Variants in AGBL4 observed in about 807,000 individuals in gnomAD.
The protein encoded by AGBL4 is cytosolic carboxypeptidase 6.
A neutral mutation model predicts 66.4 loss-of-function variants in AGBL4; 58 were observed. That is an observed-to-expected ratio of 0.87 (90% CI 0.71 to 1.09). The LOEUF (loss-of-function observed/expected upper bound fraction) is 1.09. AGBL4 is among the 50% of genes least tolerant of loss of function. The pLI, the probability that AGBL4 is intolerant of heterozygous loss-of-function variation, is 0.00. For missense variants in AGBL4, 579 were observed against 631.0 expected (o/e 0.92, Z 0.88); for synonymous variants, 234 against 222.9 (o/e 1.05, Z -0.44).
At chr1:48,761,221 G>A in intron 6 of AGBL4, 1 of 1,149,132 alleles carries the variant, frequency 8.7e-7, no homozygotes, top group South Asian at 1.7e-5. Context: ...AAAAATCATA[G>A]CCTGTGATAC....
At chr1:48,905,784 C>G (rs1266711982) in intron 5 of AGBL4, among the ~76,000 whole-genome samples, 2 of 152,082 alleles carry the variant, frequency 1.3e-5, no homozygotes, top group African/African-American at 4.8e-5. Context: ...AAGTATTATC[C>G]CCAAATCAGA....
intron 5 of AGBL4, among the ~76,000 whole-genome samples, chr1:48,895,965 C>T (rs2148862566): frequency 6.6e-6 from 1 of 152,280 alleles, no homozygotes; most frequent in Non-Finnish European, 1.5e-5. Flanking sequence ...GATATTGGAA[C>T]AAAGCTGTGT....
intron 4 of AGBL4, among the ~76,000 whole-genome samples, chr1:49,176,056 C>T (rs1231276414): frequency 2.0e-5 from 3 of 152,028 alleles, no homozygotes; most frequent in East Asian, 1.9e-4. Context: ...AAGGAGAAAA[C>T]GATAGACTTG....
chr1:49,081,844 C>T (rs1644814286), intron 4 of AGBL4, among the ~76,000 whole-genome samples: 1 of 152,042 alleles, frequency 6.6e-6, no homozygotes, highest in South Asian at 2.1e-4. Context: ...GTCAGAGGAG[C>T]TAGAGATAGG....
At chr1:48,940,149 G>A (rs1367961713) in intron 5 of AGBL4, among the ~76,000 whole-genome samples, 3 of 152,204 alleles carry the variant, frequency 2.0e-5, no homozygotes, top group African/African-American at 7.2e-5. Flanking sequence ...GAAGGCCCGG[G>A]TGGGCAGATC....
At position 48,549,746 on chromosome 1, in the gene AGBL4, G is replaced by C. The variant is rs145318756; in HGVS notation, c.1268-10008C>G. Among the ~76,000 whole-genome samples, 469 of 151,966 alleles carry C rather than the reference G, an allele frequency of 3.1e-3. 2 individuals carry two copies. Among genetic ancestry groups the C allele is most frequent in the African/African-American group, 0.011 (458 of 41,424 alleles). Reference sequence around the variant, plus strand: ...AGAGAGAGAAAAACAGGGAGCAAATGACAGAAAAGGAAAGAATCAAACTGA... The same window carrying C: ...AGAGAGAGAAAAACAGGGAGCAAATCACAGAAAAGGAAAGAATCAAACTGA... On this transcript the variant is annotated intron_variant, in intron 11 of 13. Coordinates refer to ENST00000371839, the MANE Select transcript of AGBL4 (RefSeq NM_032785.4).
chr1:49,451,579 A>C (rs1454878876), intron 3 of AGBL4, among the ~76,000 whole-genome samples: 1 of 151,972 alleles, frequency 6.6e-6, no homozygotes, highest in Non-Finnish European at 1.5e-5. Flanking sequence ...CACCTCAGGC[A>C]CATCTGCCTT....
chr1:49,765,340 G>C (rs1350724292), intron 2 of AGBL4, among the ~76,000 whole-genome samples: 1 of 151,826 alleles, frequency 6.6e-6, no homozygotes, highest in Admixed American at 6.6e-5. Flanking sequence ...AAGTTCACAG[G>C]GCTATACAAG....
At chr1:48,858,636 G>A (rs1487653405) in intron 6 of AGBL4, among the ~76,000 whole-genome samples, 1 of 152,150 alleles carries the variant, frequency 6.6e-6, no homozygotes, top group Non-Finnish European at 1.5e-5. Flanking sequence ...CAAATCCATA[G>A]AGACAGAAAG....
intron 11 of AGBL4, among the ~76,000 whole-genome samples, chr1:48,561,064 T>C (rs1644390265): frequency 6.6e-6 from 1 of 152,254 alleles, no homozygotes; most frequent in Non-Finnish European, 1.5e-5. Flanking sequence ...TCCATATCTT[T>C]GCCCATGCAG....
intron 6 of AGBL4, among the ~76,000 whole-genome samples, chr1:48,713,292 G>A (rs1288364462): frequency 6.6e-6 from 1 of 152,184 alleles, no homozygotes; most frequent in African/African-American, 2.4e-5. Flanking sequence ...AAGTAACCCA[G>A]GAGCTGGCCT....
At chr1:49,321,015 AGTCACTCCCACAAG>A (rs1645123997) in intron 3 of AGBL4, among the ~76,000 whole-genome samples, 1 of 152,196 alleles carries the variant, frequency 6.6e-6, no homozygotes. Flanking sequence ...CTCATGTTCC[AGTCACTCCCACAAG>A]GTCACTCCCT....
intron 3 of AGBL4, among the ~76,000 whole-genome samples, chr1:49,387,504 A>G (rs1397649986): frequency 6.6e-6 from 1 of 151,900 alleles, no homozygotes; most frequent in Non-Finnish European, 1.5e-5. Context: ...CTTTCATCCT[A>G]TCTTTTCACC....
intron 2 of AGBL4, among the ~76,000 whole-genome samples, chr1:49,784,667 C>T (rs1242688539): frequency 6.6e-6 from 1 of 151,938 alleles, no homozygotes; most frequent in Non-Finnish European, 1.5e-5. Flanking sequence ...CATCCAAATT[C>T]TGTGCAACAA....
chr1:48,631,505 C>T (rs1645592960), intron 9 of AGBL4, among the ~76,000 whole-genome samples: 1 of 152,158 alleles, frequency 6.6e-6, no homozygotes, highest in Non-Finnish European at 1.5e-5. Flanking sequence ...ATTCTCCTGC[C>T]TCAGCCTCCT....
At chr1:49,880,859 G>A (rs1037306242) in intron 1 of AGBL4, among the ~76,000 whole-genome samples, 10 of 151,994 alleles carry the variant, frequency 6.6e-5, no homozygotes, top group Non-Finnish European at 1.0e-4. Context: ...ATATAGTCTC[G>A]TGGTGCGCCG....
chr1:49,201,672 C>A lies in AGBL4; in HGVS notation c.377+44098G>T, dbSNP rs140934962. 1.6e-4 allele frequency among the ~76,000 whole-genome samples: 24 copies of A among 152,200 alleles called. 1 individual carries two copies. In the East Asian group the frequency reaches 1.9e-3, roughly 12 times the overall value. On this transcript the variant is annotated intron_variant, in intron 4 of 13. Transcript: ENST00000371839. ...TAAAAAACAAAAATTAAATGTCATT[C>A]AAGAAGTCATTACAGCTTTGTTACC...
intron 4 of AGBL4, among the ~76,000 whole-genome samples, chr1:49,173,764 T>C (rs1311103048): frequency 6.6e-6 from 1 of 152,138 alleles, no homozygotes; most frequent in Non-Finnish European, 1.5e-5. Context: ...AGTGGGTAAG[T>C]GAACCATGTG....
intron 5 of AGBL4, among the ~76,000 whole-genome samples, chr1:48,888,859 C>T (rs986216971): frequency 6.6e-6 from 1 of 152,156 alleles, no homozygotes. Flanking sequence ...GAATAAATAT[C>T]TATGAAAATA....
Sources: gnomAD v4.1 joint callset for allele counts (sites outside exome capture counted in the v4.1 genomes callset) on GRCh38, gnomAD v4.1.1 for gene constraint, MANE v1.5 for transcripts, NCBI Gene and HGNC (gene_info 2026-07-23, HGNC 2026-07-21) for gene names.